KLHL29: variants seen among roughly 807,000 people sequenced by gnomAD.
KLHL29 encodes the protein kelch-like protein 29.
A neutral mutation model predicts 80.4 loss-of-function variants in KLHL29; 21 were observed. The observed-to-expected ratio is 0.26, with a 90% CI of 0.19 to 0.38. The LOEUF is 0.38. Among genes scored for constraint, KLHL29 ranks in the 10% least tolerant of loss-of-function variants. KLHL29 has a pLI of 1.00. For missense variants in KLHL29, 867 were observed against 1,223.9 expected (o/e 0.71, Z 4.35); for synonymous variants, 511 against 526.8 (o/e 0.97, Z 0.41).
At chr2:23,437,643 T>A (rs1275962594) in intron 1 of KLHL29, among the ~76,000 whole-genome samples, 1 of 152,210 alleles carries the variant, frequency 6.6e-6, no homozygotes, top group South Asian at 2.1e-4. Context: ...AAAATCCACA[T>A]TAAAACTTAG....
intron 1 of KLHL29, among the ~76,000 whole-genome samples, chr2:23,399,111 T>G (rs1327435358): frequency 3.9e-5 from 6 of 152,198 alleles, no homozygotes; most frequent in African/African-American, 1.4e-4. Flanking sequence ...TGTGGACAAC[T>G]CCAATAAATT....
intron 2 of KLHL29, among the ~76,000 whole-genome samples, chr2:23,501,383 G>A (rs942204078): frequency 1.3e-5 from 2 of 152,102 alleles, no homozygotes; most frequent in African/African-American, 4.8e-5. Flanking sequence ...CTATACAGGT[G>A]CAGGCACGTT....
intron 3 of KLHL29, among the ~76,000 whole-genome samples, chr2:23,592,245 A>G (rs1036252696): frequency 0.032 from 8 of 250 alleles, no homozygotes; most frequent in East Asian, 0.1. Flanking sequence ...AAGCCCGGCC[A>G]TCAGGCTGGT....
In KLHL29 at chr2:23,671,071, TC is replaced by T. The variant is rs1288814916; in HGVS notation, c.941-13327del. Among the ~76,000 whole-genome samples, 4 of 139,418 alleles carry T rather than the reference TC, an allele frequency of 2.9e-5. 1 individual carries two copies. Among genetic ancestry groups the T allele is most frequent in the South Asian group, 4.9e-4 (2 of 4,100 alleles). The allele number at this position is 139,418 out of a possible 152,430, so 91.5% of individuals were successfully genotyped here. ...GCTGTGACTCCTCCCTGGATGGGATTCGCAGTGTTCTGAGCTGTCATTAGCT... is the reference window on the plus strand; with the variant it reads ...GCTGTGACTCCTCCCTGGATGGGATTGCAGTGTTCTGAGCTGTCATTAGCT... On this transcript the variant is annotated intron_variant, in intron 5 of 13. Coordinates refer to ENST00000486442, the MANE Select transcript of KLHL29 (RefSeq NM_052920.2).
chr2:23,440,611 T>A (rs992867343), intron 1 of KLHL29, among the ~76,000 whole-genome samples: 3 of 151,678 alleles, frequency 2.0e-5, no homozygotes, highest in Non-Finnish European at 4.4e-5. Flanking sequence ...GAATCTACAA[T>A]GAACTCAAAC....
At position 23,642,459 on chromosome 2, in the gene KLHL29, T is replaced by C. The variant is rs1448847339; in HGVS notation, c.549T>C (p.Ile183=). Residue 183 remains isoleucine, a synonymous_variant, in exon 5 of 14, where the codon ATT becomes ATC. Coordinates refer to ENST00000486442, the MANE Select transcript of KLHL29 (RefSeq NM_052920.2). The part of the protein sequence containing the change: ...SPAVNVQAPV[I]GVTPSLPPHV... ...CTGTGAACGTCCAGGCCCCGGTCAT[T>C]GGGGTGACCCCCTCACTGCCTCCCC... 1.3e-6 allele frequency: 2 copies of C among 1,510,102 alleles called. No homozygotes were observed. Among genetic ancestry groups the C allele is most frequent in the Non-Finnish European group, 1.8e-6 (2 of 1,124,066 alleles). 93.5% of individuals were successfully genotyped at this position (1,510,102 alleles called of 1,614,324 possible). A position where few individuals can be genotyped will look rare whatever the true frequency, so the allele number is the denominator to read the frequency against.
Position 23,604,425 on chromosome 2 carries a change from G to A in KLHL29, c.286-34714G>A, listed in dbSNP as rs1200972782. 2.0e-5 allele frequency among the ~76,000 whole-genome samples: 3 copies of A among 152,166 alleles called. No homozygotes were observed. In the East Asian group the frequency reaches 5.8e-4, roughly 29 times the overall value. ...GATCATTTCTATTCTCTATAACTGA[G>A]GCAGTTGCTGCTGGTTACCGGGCTT... On this transcript the variant is annotated intron_variant, in intron 3 of 13. Coordinates refer to ENST00000486442, the MANE Select transcript of KLHL29 (RefSeq NM_052920.2).
rs1671181074 is a variant in KLHL29, at chr2:23,684,482, G to A, written c.1024G>A (p.Val342Ile). 6.4e-7 allele frequency: 1 copy of A among 1,551,252 alleles called. No individual in the cohort carries two copies. Among genetic ancestry groups the A allele is most frequent in the Admixed American group, 2.0e-5 (1 of 50,860 alleles). The change falls in exon 6 of 14, where the codon GTC becomes ATC. Residue 342 changes from valine (V) to isoleucine (I), a missense_variant. Physicochemically the swap from Val to Ile is conservative, Grantham distance 29 (BLOSUM62 3). Coordinates refer to ENST00000486442, the MANE Select transcript of KLHL29 (RefSeq NM_052920.2). The surrounding 1 kb of genome is among the most constrained non-coding windows in gnomAD (Gnocchi z 4.4). Reference sequence around the variant, plus strand: ...TGTTGTTGAAGGCAGAGAGTTTGAAGTCCACCAAAATGTTCTAGCTTCCTG... The same window carrying A: ...TGTTGTTGAAGGCAGAGAGTTTGAAATCCACCAAAATGTTCTAGCTTCCTG... ...KIVVEGREFE[V>I]HQNVLASCSL...
chr2:23,642,241 C>T, intron 4 of KLHL29, 97 bp from the exon 5 acceptor site: 1 of 1,176,604 alleles, frequency 8.5e-7, no homozygotes, highest in Non-Finnish European at 1.1e-6. Context: ...TCTCGTTCCC[C>T]TCTGTGACCT....
chr2:23,604,527 G>A (rs1260912808), intron 3 of KLHL29, among the ~76,000 whole-genome samples: 1 of 152,204 alleles, frequency 6.6e-6, no homozygotes, highest in South Asian at 2.1e-4. Context: ...CTGATTTCCT[G>A]GGAGACAGCA....
At chr2:23,490,618 T>C (rs1665070012) in intron 2 of KLHL29, among the ~76,000 whole-genome samples, 1 of 152,188 alleles carries the variant, frequency 6.6e-6, no homozygotes, top group Non-Finnish European at 1.5e-5. Context: ...CCCACCTACA[T>C]TGATTGGATT....
chr2:23,691,360 C>G, intron 6 of KLHL29: 1 of 399,682 alleles, frequency 2.5e-6, no homozygotes, highest in Middle Eastern at 7.6e-4. Context: ...TGGGCTGAAC[C>G]GTATTGTTTC....
intron 1 of KLHL29, among the ~76,000 whole-genome samples, chr2:23,409,170 G>C (rs1030612049): frequency 5.9e-5 from 9 of 152,138 alleles, no homozygotes; most frequent in African/African-American, 2.2e-4. Context: ...GATCCCTGAA[G>C]GACTTTCCAT....
At chr2:23,505,608 C>G (rs7602463) in intron 2 of KLHL29, among the ~76,000 whole-genome samples, 1 of 152,230 alleles carries the variant, frequency 6.6e-6, no homozygotes, top group Non-Finnish European at 1.5e-5. Flanking sequence ...AGCCCCCACC[C>G]AGGTCCCTTG....
intron 11 of KLHL29, among the ~76,000 whole-genome samples, chr2:23,699,068 C>CTTAA (rs1331330656): frequency 1.3e-5 from 2 of 152,230 alleles, no homozygotes; most frequent in Admixed American, 1.3e-4. Flanking sequence ...TTGTCTGGGG[C>CTTAA]TTAATTGAAT....
intron 2 of KLHL29, among the ~76,000 whole-genome samples, chr2:23,543,233 G>T (rs1666893396): frequency 6.6e-6 from 1 of 152,284 alleles, no homozygotes; most frequent in East Asian, 1.9e-4. Flanking sequence ...TTCTGCACAT[G>T]TCGGCAAGAA....
rs1003126121 is a variant in KLHL29, at chr2:23,700,043, G to A, written c.2106-3143G>A. On this transcript the variant is annotated intron_variant, in intron 11 of 13. Coordinates refer to ENST00000486442, the MANE Select transcript of KLHL29 (RefSeq NM_052920.2). The surrounding 1 kb of genome is among the most constrained non-coding windows in gnomAD (Gnocchi z 4.6). ...TGCCATCCTTGACTTCCTCTCTCCT[G>A]TGCAAATGGACTCCACGTTCCCTCT... Among the ~76,000 whole-genome samples the A allele has an allele frequency of 2.6e-5, 4 of 152,092 alleles. No individual in the cohort carries two copies. The highest frequency in any genetic ancestry group is 1.9e-4 in the East Asian group (1 of 5,188).
intron 1 of KLHL29, among the ~76,000 whole-genome samples, chr2:23,426,243 TC>T (rs1274658506): frequency 2.0e-5 from 3 of 152,184 alleles, no homozygotes; most frequent in African/African-American, 7.2e-5. Flanking sequence ...TTTGTGACCC[TC>T]CTGCAGGAAC....
At chr2:23,389,596 T>C (rs986018152) in intron 1 of KLHL29, among the ~76,000 whole-genome samples, 1 of 151,150 alleles carries the variant, frequency 6.6e-6, no homozygotes, top group Non-Finnish European at 1.5e-5. Flanking sequence ...AATGTGTTAG[T>C]GGATGGGAGG....
Sources: gnomAD v4.1 joint callset for allele counts (sites outside exome capture counted in the v4.1 genomes callset) on GRCh38, gnomAD v4.1.1 for gene constraint, Gnocchi (gnomAD v3.1) non-coding constraint, MANE v1.5 for transcripts, NCBI Gene and HGNC (gene_info 2026-07-23, HGNC 2026-07-21) for gene names.